CCR4: variants seen among roughly 807,000 people sequenced by gnomAD.
CCR4 encodes the protein C-C motif chemokine receptor 4, also known as C-C chemokine receptor type 4.
A neutral mutation model predicts 17.1 loss-of-function variants in CCR4; 9 were observed. The observed-to-expected ratio is 0.53, with a 90% confidence interval of 0.32 to 0.92. The LOEUF (loss-of-function observed/expected upper bound fraction) is 0.92, where lower values mean the gene tolerates loss of function less well. CCR4 is among the 40% of genes least tolerant of loss of function. The pLI is 0.04. For synonymous variants in CCR4, 217 were observed against 174.3 expected, an observed-to-expected ratio of 1.24 and a Z score of -1.93; for missense variants, 385 against 433.9, an observed-to-expected ratio of 0.89 and a Z score of 1.00.
chr3:32,954,044 A>C lies in CCR4; in HGVS notation c.622A>C (p.Ile208Leu). The change falls in exon 2 of 2, where the codon ATT becomes CTT. Residue 208 changes from isoleucine (I) to leucine (L), a missense_variant. Transcript: ENST00000330953. The stretch of plus-strand genomic sequence containing the variant: ...GGTTCTCAGCTCCCTGGAAATCAAC[A>C]TTCTCGGATTGGTGATCCCCTTAGG... Reference protein sequence around the residue: ...WKVLSSLEINILGLVIPLGIM... With the variant: ...WKVLSSLEINLLGLVIPLGIM... 6.2e-7 allele frequency: 1 copy of C among 1,614,148 alleles called. No homozygotes were observed. Among genetic ancestry groups the C allele is most frequent in the Non-Finnish European group, 8.5e-7 (1 of 1,180,022 alleles).
At chr3:32,952,733 A>G (rs1697690462) in intron 1 of CCR4, among the ~76,000 whole-genome samples, 3 of 152,212 alleles carry the variant, frequency 2.0e-5, no homozygotes, top group Admixed American at 6.5e-5. Flanking sequence ...TGAGTCGGAA[A>G]GCCCTTCAGC....
chr3:32,954,242 C>G lies in CCR4; in HGVS notation c.820C>G (p.Gln274Glu), dbSNP rs1234872431. 11 of 1,614,030 alleles carry G rather than the reference C, an allele frequency of 6.8e-6. No homozygotes were observed. Among genetic ancestry groups the G allele is most frequent in the Non-Finnish European group, 9.3e-6 (11 of 1,179,956 alleles). The change falls in exon 2 of 2, where the codon CAG becomes GAG. Residue 274 changes from glutamine to glutamate, a missense_variant. Physicochemically the swap from Gln to Glu is conservative, Grantham distance 29. Coordinates refer to ENST00000330953, the MANE Select transcript of CCR4 (RefSeq NM_005508.5). ...LETLVELEVL[Q>E]DCTFERYLDY... is the part of the protein sequence containing the mutation. ...GACCCTGGTGGAGCTAGAAGTCCTT[C>G]AGGACTGCACCTTTGAAAGATACTT...
At chr3:32,953,194 T>C (rs1697697210) in intron 1 of CCR4, among the ~76,000 whole-genome samples, 178 bp from the exon 2 acceptor site, 1 of 152,132 alleles carries the variant, frequency 6.6e-6, no homozygotes, top group Non-Finnish European at 1.5e-5. Context: ...TCTTTCTGCC[T>C]CCAAAGCCCA....
chr3:32,952,932 A>G (rs1039333725), intron 1 of CCR4, among the ~76,000 whole-genome samples: 1 of 152,126 alleles, frequency 6.6e-6, no homozygotes, highest in Admixed American at 6.6e-5. Flanking sequence ...CGTAGAATTG[A>G]TTTTTACGTG....
At position 32,953,497 on chromosome 3, in the gene CCR4, C is replaced by A. The variant is rs779696984; in HGVS notation, c.75C>A (p.Ile25=). The A allele has an allele frequency of 1.2e-6, 2 of 1,613,946 alleles. No individual in the cohort carries two copies. Among genetic ancestry groups the A allele is most frequent in the African/African-American group, 1.3e-5 (1 of 74,908 alleles). The change falls in exon 2 of 2, where the codon ATC becomes ATA. Residue 25 remains isoleucine, a synonymous_variant. Coordinates refer to ENST00000330953, the MANE Select transcript of CCR4 (RefSeq NM_005508.5). ...IYSNYYLYES[I]PKPCTKEGIK... The stretch of plus-strand genomic sequence containing the variant: ...GCAATTACTATCTGTATGAAAGTAT[C>A]CCCAAGCCTTGCACCAAAGAAGGCA...
Position 32,954,438 on chromosome 3 carries a change from C to T in CCR4, c.1016C>T (p.Ser339Phe), listed in dbSNP as rs1303409425. The T allele has an allele frequency of 3.1e-6, 5 of 1,590,318 alleles. No individual in the cohort carries two copies. In the East Asian group the frequency reaches 6.7e-5, roughly 21 times the overall value. ...CQYCGLLQIYSADTPSSSYTQ... is the reference protein window; with the variant it reads ...CQYCGLLQIYFADTPSSSYTQ... ...TACTGTGGGCTCCTCCAAATTTACT[C>T]TGCTGACACCCCCAGCTCATCTTAC... Residue 339 changes from serine to phenylalanine, a missense_variant, in exon 2 of 2, where the codon TCT becomes TTT. Coordinates refer to ENST00000330953, the MANE Select transcript of CCR4 (RefSeq NM_005508.5).
rs1318876887 is a variant in CCR4 at position 32,955,251 on chromosome 3, A to T, written c.*746A>T. The T allele has an allele frequency of 2.4e-5, 4 of 167,008 alleles. No homozygotes were observed. Among genetic ancestry groups the T allele is most frequent in the Non-Finnish European group, 5.9e-5 (4 of 68,120 alleles). 10.3% of individuals were successfully genotyped at this position (167,008 alleles called of 1,614,324 possible). ...AATTTTAACAGAGGAATATTAAAAA[A>T]TTTTAAATAGGCTGGGCACGGTGGC... On this transcript the variant is annotated 3_prime_UTR_variant, in exon 2 of 2. Transcript: ENST00000330953.
In CCR4 at chr3:32,954,030, C is replaced by T. The variant is rs1174955183; in HGVS notation, c.608C>T (p.Ser203Phe). 6.2e-7 allele frequency: 1 copy of T among 1,614,100 alleles called. No homozygotes were observed. The highest frequency in any genetic ancestry group is 1.7e-5 in the Admixed American group (1 of 60,004). ...TCCACGACGTGGAAGGTTCTCAGCTCCCTGGAAATCAACATTCTCGGATTG... is the reference window on the plus strand; with the variant it reads ...TCCACGACGTGGAAGGTTCTCAGCTTCCTGGAAATCAACATTCTCGGATTG... ...LNSTTWKVLS[S>F]LEINILGLVI... Residue 203 changes from serine to phenylalanine, a missense_variant, in exon 2 of 2, where the codon TCC becomes TTC. Ser to Phe is a radical substitution (Grantham distance 155, BLOSUM62 -2). Transcript: ENST00000330953.
chr3:32,953,337 C>G lies in CCR4; in HGVS notation c.-51-35C>G, dbSNP rs540272107. On this transcript the variant is annotated intron_variant, in intron 1 of 1. Transcript: ENST00000330953. The stretch of plus-strand genomic sequence containing the variant: ...AGCAATACTTTGGTTTATTTTTGTT[C>G]TCACAGAAATCTCCTTTGCTCTTCC... The G allele has an allele frequency of 5.5e-6, 8 of 1,463,854 alleles. No individual in the cohort carries two copies. The South Asian group carries it at 9.5e-5, about 17-fold the overall frequency. 90.7% of individuals were successfully genotyped at this position (1,463,854 alleles called of 1,614,324 possible). A position where few individuals can be genotyped will look rare whatever the true frequency, so the allele number is the denominator to read the frequency against.
At chr3:32,952,785 TAAG>T (rs1413735233) in intron 1 of CCR4, among the ~76,000 whole-genome samples, 2 of 152,200 alleles carry the variant, frequency 1.3e-5, no homozygotes, top group African/African-American at 4.8e-5. Context: ...TGATTAATTT[TAAG>T]AAGATTTCAA....
At position 32,953,516 on chromosome 3, in the gene CCR4, G is replaced by T; in HGVS notation, c.94G>T (p.Glu32Ter). 6.2e-7 allele frequency: 1 copy of T among 1,614,098 alleles called. No individual in the cohort carries two copies. Among genetic ancestry groups the T allele is most frequent in the East Asian group, 2.2e-5 (1 of 44,880 alleles). Residue 32 changes from glutamate (E) to a stop codon, truncating the protein, a stop_gained, in exon 2 of 2, where the codon GAA (glutamate) becomes TAA (stop). Transcript: ENST00000330953. LOFTEE classifies it high-confidence loss of function. Reference protein sequence around the residue: ...YESIPKPCTKEGIKAFGELFL... With the variant: ...YESIPKPCTK ...AAGTATCCCCAAGCCTTGCACCAAA[G>T]AAGGCATCAAGGCATTTGGGGAGCT...
At chr3:32,952,522 G>A (rs184894675) in intron 1 of CCR4, among the ~76,000 whole-genome samples, 55 of 152,326 alleles carry the variant, frequency 3.6e-4, no homozygotes, top group Middle Eastern at 3.4e-3. Flanking sequence ...GCCTCCCGAC[G>A]TGCTGGGATT....
chr3:32,953,128 C>G (rs546676715), intron 1 of CCR4, among the ~76,000 whole-genome samples: 1 of 152,162 alleles, frequency 6.6e-6, no homozygotes, highest in African/African-American at 2.4e-5. Flanking sequence ...AGAACTGAAG[C>G]TCCTGGCAGA....
rs1182766825 is a variant in CCR4, at chr3:32,954,865, G to C, written c.*360G>C. 5.0e-6 allele frequency: 1 copy of C among 199,496 alleles called. No individual in the cohort carries two copies. Among genetic ancestry groups the C allele is most frequent in the Non-Finnish European group, 1.1e-5 (1 of 89,642 alleles). The allele number at this position is 199,496 out of a possible 1,614,324, so 12.4% of individuals were successfully genotyped here. ...CTCCAGAGGGAATTGCAGAGTACTG[G>C]CTGATGGAGTAAATCGCTACCTTTT... On this transcript the variant is annotated 3_prime_UTR_variant, in exon 2 of 2. Coordinates refer to ENST00000330953, the MANE Select transcript of CCR4 (RefSeq NM_005508.5).
At position 32,954,486 on chromosome 3, in the gene CCR4, A is replaced by T; in HGVS notation, c.1064A>T (p.Asp355Val). The T allele has an allele frequency of 6.5e-7, 1 of 1,538,904 alleles. No individual in the cohort carries two copies. Among genetic ancestry groups the T allele is most frequent in the Non-Finnish European group, 8.7e-7 (1 of 1,148,058 alleles). ...TACACGCAGTCCACCATGGATCATG[A>T]TCTCCATGATGCTCTGTAGAAAAAT... is the stretch of plus-strand genomic sequence containing the variant. ...SSYTQSTMDH[D>V]LHDAL Residue 355 changes from aspartate to valine, a missense_variant, in exon 2 of 2, where the codon GAT becomes GTT. By Grantham distance (152) the Asp-to-Val change is radical. Transcript: ENST00000330953.
chr3:32,952,149 A>G (rs1297964910), intron 1 of CCR4, among the ~76,000 whole-genome samples: 1 of 152,236 alleles, frequency 6.6e-6, no homozygotes, highest in Non-Finnish European at 1.5e-5. Flanking sequence ...TAGTCATTCA[A>G]CAAACTTTTT....
Position 32,951,771 on chromosome 3 carries a change from C to T in CCR4, c.-52+81C>T, listed in dbSNP as rs575667344. 12 of 152,676 alleles carry T rather than the reference C, an allele frequency of 7.9e-5. No homozygotes were observed. The East Asian group carries it at 1.7e-3, about 22-fold the overall frequency. The allele number at this position is 152,676 out of a possible 1,614,324, so 9.5% of individuals were successfully genotyped here. On this transcript the variant is annotated intron_variant, in intron 1 of 1. Transcript: ENST00000330953. ...CTGGCTGAGATGCTCAGGCCCCTCA[C>T]GAGTCTAGGGCTTACACTTGGCACC... is the stretch of plus-strand genomic sequence containing the variant.
At position 32,953,770 on chromosome 3, in the gene CCR4, GTAC is replaced by G; in HGVS notation, c.350_352del (p.Tyr117del). ...GTCTGTGCAAGATGATTTCCTGGAT[GTAC>G]TTGGTGGGCTTTTACAGTGGCATAT... On this transcript the variant is annotated inframe_deletion, in exon 2 of 2. Transcript: ENST00000330953. 6.2e-7 allele frequency: 1 copy of G among 1,614,096 alleles called. No homozygotes were observed. Among genetic ancestry groups the G allele is most frequent in the Non-Finnish European group, 8.5e-7 (1 of 1,180,036 alleles).
chr3:32,954,079 G>A lies in CCR4; in HGVS notation c.657G>A (p.Leu219=). ...TGGTGATCCCCTTAGGGATCATGCT[G>A]TTTTGCTACTCCATGATCATCAGGA... ...LGLVIPLGIM[L]FCYSMIIRTL... The change falls in exon 2 of 2, where the codon CTG becomes CTA. Residue 219 remains leucine, a synonymous_variant. Coordinates refer to ENST00000330953, the MANE Select transcript of CCR4 (RefSeq NM_005508.5). 6.2e-7 allele frequency: 1 copy of A among 1,614,124 alleles called. No individual in the cohort carries two copies. Among genetic ancestry groups the A allele is most frequent in the Non-Finnish European group, 8.5e-7 (1 of 1,180,006 alleles).
Sources: allele counts gnomAD v4.1 joint callset (sites outside exome capture counted in the v4.1 genomes callset), GRCh38; gene constraint gnomAD v4.1.1; transcripts MANE v1.5; gene names NCBI Gene and HGNC (gene_info 2026-07-23, HGNC 2026-07-21).